Variants in ATRNL1 observed in about 807,000 individuals in gnomAD.
The protein encoded by ATRNL1 is attractin-like protein 1.
A neutral mutation model predicts 182.7 loss-of-function variants in ATRNL1; 95 were observed. That is an observed-to-expected ratio of 0.52 (90% CI 0.44 to 0.62). The LOEUF (loss-of-function observed/expected upper bound fraction) is 0.62, where lower values mean the gene tolerates loss of function less well. ATRNL1 is among the 20% of genes least tolerant of loss of function. ATRNL1 has a pLI of 0.00. For missense variants in ATRNL1, 1,471 were observed against 1,679.5 expected (o/e 0.88, Z 2.17); for synonymous variants, 576 against 568.3 (o/e 1.01, Z -0.19).
chr10:115,743,433 T>A (rs1229874260), intron 27 of ATRNL1, among the ~76,000 whole-genome samples: 2 of 120,742 alleles, frequency 1.7e-5, no homozygotes, highest in Non-Finnish European at 3.6e-5. Context: ...AAAGTGGTAG[T>A]TTAACTAATT....
intron 28 of ATRNL1, among the ~76,000 whole-genome samples, chr10:115,928,956 C>T (rs906280499): frequency 2.0e-5 from 3 of 151,902 alleles, no homozygotes; most frequent in East Asian, 1.9e-4. Context: ...ATGTGATTGT[C>T]CAAAACAAAG....
At chr10:115,299,592 A>G (rs1172021608) in intron 15 of ATRNL1, among the ~76,000 whole-genome samples, 1 of 152,044 alleles carries the variant, frequency 6.6e-6, no homozygotes, top group Non-Finnish European at 1.5e-5. Context: ...TGTTGATTTT[A>G]TTTTCTAGTT....
rs557606914 is a variant in ATRNL1, at chr10:115,878,803, G to T, written c.4018+30812G>T. Among the ~76,000 whole-genome samples, 249 of 152,274 alleles carry T rather than the reference G, an allele frequency of 1.6e-3. 10 individuals are homozygous for T. The South Asian group carries it at 0.05, about 30-fold the overall frequency. ...TGTGTATAAATGAGGCATACAAGTAGCTCCTTCGCCCAGCAGCAACATGGT... is the reference window on the plus strand; with the variant it reads ...TGTGTATAAATGAGGCATACAAGTATCTCCTTCGCCCAGCAGCAACATGGT... On this transcript the variant is annotated intron_variant, in intron 28 of 28. Transcript: ENST00000355044.
chr10:115,571,614 G>A (rs190590558), intron 26 of ATRNL1, among the ~76,000 whole-genome samples: 453 of 151,974 alleles, frequency 3.0e-3, no homozygotes, highest in Non-Finnish European at 4.8e-3. Context: ...ATTTTGTTAT[G>A]TATTATTTTG....
chr10:115,336,853 CT>C (rs1179402968), intron 19 of ATRNL1, among the ~76,000 whole-genome samples: 150 of 141,528 alleles, frequency 1.1e-3, no homozygotes, highest in African/African-American at 2.2e-3. Context: ...ATTTTTTTTT[CT>C]TTTTTTTTTT....
At chr10:115,209,594 T>A (rs1848941807) in intron 8 of ATRNL1, among the ~76,000 whole-genome samples, 2 of 151,702 alleles carry the variant, frequency 1.3e-5, no homozygotes, top group Admixed American at 6.6e-5. Context: ...CACCACTGTC[T>A]TTTCTCATTA....
At chr10:115,368,296 G>A (rs1311203230) in intron 19 of ATRNL1, among the ~76,000 whole-genome samples, 2 of 152,166 alleles carry the variant, frequency 1.3e-5, no homozygotes, top group African/African-American at 4.8e-5. Context: ...TTCCAGGTGC[G>A]TCCGTCACCC....
chr10:115,733,739 T>C (rs1947867912), intron 27 of ATRNL1, among the ~76,000 whole-genome samples: 1 of 152,188 alleles, frequency 6.6e-6, no homozygotes, highest in African/African-American at 2.4e-5. Context: ...TCCCCAGGTT[T>C]CCTTTTTTCT....
intron 26 of ATRNL1, among the ~76,000 whole-genome samples, chr10:115,575,564 GT>G (rs1854651001): frequency 6.6e-6 from 1 of 152,058 alleles, no homozygotes; most frequent in South Asian, 2.1e-4. Flanking sequence ...TGTTTTCCAA[GT>G]GTTAGAAACC....
intron 27 of ATRNL1, among the ~76,000 whole-genome samples, chr10:115,760,772 A>G (rs1948715493): frequency 6.6e-6 from 1 of 152,254 alleles, no homozygotes; most frequent in Admixed American, 6.5e-5. Flanking sequence ...TTGAAAGGTT[A>G]TCAAGTAGTA....
At chr10:115,259,622 T>C (rs7899771) in intron 10 of ATRNL1, among the ~76,000 whole-genome samples, 1,786 of 152,264 alleles carry the variant, frequency 0.012, 34 homozygotes, top group African/African-American at 0.04. Flanking sequence ...GTGGGCTGCA[T>C]CCACTATCCA....
chr10:115,879,241 A>G (rs1555107927), intron 28 of ATRNL1, among the ~76,000 whole-genome samples: 2 of 149,726 alleles, frequency 1.3e-5, no homozygotes, highest in African/African-American at 4.9e-5. Flanking sequence ...CAGGACCTCC[A>G]TGTTGCAGTG....
rs147131765 is a variant in ATRNL1 at position 115,469,906 on chromosome 10, T to A, written c.3654+577T>A. ...TTGGAATATTCTTTCTATCTTATAG[T>A]CAAGGTTTGTGTTCTTAATTTATGT... On this transcript the variant is annotated intron_variant, in intron 24 of 28. Transcript: ENST00000355044. Among the ~76,000 whole-genome samples the A allele has an allele frequency of 2.0e-3, 305 of 150,664 alleles. 1 individual carries two copies. Among genetic ancestry groups the A allele is most frequent in the African/African-American group, 6.9e-3 (286 of 41,392 alleles).
At chr10:115,294,317 C>T (rs1853071560) in intron 15 of ATRNL1, among the ~76,000 whole-genome samples, 1 of 152,172 alleles carries the variant, frequency 6.6e-6, no homozygotes, top group African/African-American at 2.4e-5. Context: ...AAGATCCCAT[C>T]TCTGTTAAAA....
At chr10:115,837,673 T>A (rs1180541830) in intron 27 of ATRNL1, among the ~76,000 whole-genome samples, 2 of 152,192 alleles carry the variant, frequency 1.3e-5, no homozygotes, top group East Asian at 3.9e-4. Context: ...TGATCAATTA[T>A]CATCTTCTCC....
intron 26 of ATRNL1, among the ~76,000 whole-genome samples, chr10:115,572,050 G>T (rs1382141166): frequency 2.6e-5 from 4 of 152,130 alleles, no homozygotes; most frequent in Non-Finnish European, 5.9e-5. Context: ...ATGGATGTTG[G>T]AATGAAGAAT....
chr10:115,242,709 A>G (rs1377013114), intron 10 of ATRNL1, among the ~76,000 whole-genome samples: 12 of 152,060 alleles, frequency 7.9e-5, no homozygotes, highest in Non-Finnish European at 1.5e-4. Flanking sequence ...AAGCACTTTA[A>G]TCTTTTTACT....
At chr10:115,165,818 T>G (rs1397679887) in intron 7 of ATRNL1, among the ~76,000 whole-genome samples, 173 bp downstream of exon 7, 1 of 152,074 alleles carries the variant, frequency 6.6e-6, no homozygotes, top group Non-Finnish European at 1.5e-5. Flanking sequence ...AAAGAATAGA[T>G]TTTAGAACAA....
chr10:115,295,326 C>T (rs782131234), intron 15 of ATRNL1, among the ~76,000 whole-genome samples: 4 of 152,114 alleles, frequency 2.6e-5, no homozygotes, highest in Admixed American at 6.5e-5. Flanking sequence ...GGGAGTGCCT[C>T]ATGGGGTCGT....
Sources: allele counts gnomAD v4.1 joint callset (sites outside exome capture counted in the v4.1 genomes callset), GRCh38; gene constraint gnomAD v4.1.1; transcripts MANE v1.5; gene names NCBI Gene and HGNC (gene_info 2026-07-23, HGNC 2026-07-21).